The following ZNF665 variants were observed in gnomAD, a reference collection of about 807,000 sequenced individuals.
ZNF665 encodes zinc finger protein 665.
In ZNF665, 6 loss-of-function variants were observed where a neutral mutation model predicts 7.9. The ratio of observed to expected loss-of-function variants is 0.76; its 90% CI spans 0.42 to 1.50. The LOEUF is 1.50. Among genes scored for constraint, ZNF665 ranks in the 40% most tolerant of loss-of-function variants. The probability of loss-of-function intolerance (pLI) is 0.01; values close to 1 mark genes in which losing one functional copy is unlikely to be tolerated. For missense variants in ZNF665, 819 were observed against 806.7 expected (o/e 1.02, Z -0.18); for synonymous variants, 242 against 274.5 (o/e 0.88, Z 1.17).
intron 1 of ZNF665, among the ~76,000 whole-genome samples, chr19:53,192,394 C>A (rs1373370863): frequency 6.6e-6 from 1 of 152,090 alleles, no homozygotes; most frequent in Non-Finnish European, 1.5e-5. Flanking sequence ...TCCAAATACC[C>A]CCTCCTCTCC....
chr19:53,189,319 G>A (rs552208422), intron 1 of ZNF665, among the ~76,000 whole-genome samples: 5 of 151,760 alleles, frequency 3.3e-5, no homozygotes, highest in Admixed American at 2.6e-4. Context: ...AGCTGCGCCC[G>A]GGGGACCACT....
chr19:53,171,013 T>C (rs908642760), intron 3 of ZNF665, among the ~76,000 whole-genome samples: 1 of 152,108 alleles, frequency 6.6e-6, no homozygotes, highest in East Asian at 1.9e-4. Context: ...CGAGACGGAG[T>C]CTTGCTCTGT....
chr19:53,167,994 T>C (rs1359693378), intron 3 of ZNF665, among the ~76,000 whole-genome samples: 2 of 138,790 alleles, frequency 1.4e-5, no homozygotes, highest in African/African-American at 2.7e-5. Context: ...AGGTGGAGCT[T>C]GCAGTGAGCC....
At chr19:53,169,659 T>G (rs1010162686) in intron 3 of ZNF665, among the ~76,000 whole-genome samples, 5 of 152,222 alleles carry the variant, frequency 3.3e-5, no homozygotes, top group African/African-American at 1.2e-4. Context: ...ATTAGGTGTA[T>G]CTCCTAAAGC....
chr19:53,182,009 C>T (rs1026654506), intron 2 of ZNF665: 1 of 152,274 alleles, frequency 6.6e-6, no homozygotes, highest in African/African-American at 2.4e-5. Flanking sequence ...AGTATGAAAA[C>T]ATTCATCCAA....
Position 53,165,942 on chromosome 19 carries a change from C to T in ZNF665, c.548G>A (p.Cys183Tyr). The T allele has an allele frequency of 6.2e-7, 1 of 1,614,066 alleles. No homozygotes were observed. Among genetic ancestry groups the T allele is most frequent in the Non-Finnish European group, 8.5e-7 (1 of 1,179,990 alleles). ...TGAGTTTTGACTGAAGACCTTGCCA[C>T]ATTCATCACATTTATAATGTTTTCC... is the stretch of plus-strand genomic sequence containing the variant. ...NRGKHYKCDECGKVFSQNSRL... is the reference protein window; with the variant it reads ...NRGKHYKCDEYGKVFSQNSRL... Residue 183 changes from cysteine (C) to tyrosine (Y), a missense_variant, in exon 4 of 4, where the codon TGT (cysteine) becomes TAT (tyrosine). Physicochemically the swap from Cys to Tyr is radical, Grantham distance 194. Coordinates refer to ENST00000396424, the MANE Select transcript of ZNF665 (RefSeq NM_024733.5).
intron 3 of ZNF665, among the ~76,000 whole-genome samples, chr19:53,171,965 G>C (rs1262582591): frequency 1.3e-5 from 2 of 151,918 alleles, no homozygotes; most frequent in African/African-American, 4.8e-5. Flanking sequence ...ATGTTGGCCA[G>C]CTGGTCTCGA....
At chr19:53,171,524 A>ATATATATATATATT (rs372855271) in intron 3 of ZNF665, among the ~76,000 whole-genome samples, 156 of 69,278 alleles carry the variant, frequency 2.3e-3, no homozygotes, top group East Asian at 9.1e-3. Context: ...ATATATATAT[A>ATATATATATATATT]TTTTTTTTTT....
In ZNF665 at chr19:53,170,295, G is replaced by T. The variant is rs183881506; in HGVS notation, c.143-3948C>A. The stretch of plus-strand genomic sequence containing the variant: ...TTTATTGTATAATGGCAAACTACAG[G>T]TGTATATATTTATGGGGAAAAAATG... On this transcript the variant is annotated intron_variant, in intron 3 of 3. Coordinates refer to ENST00000396424, the MANE Select transcript of ZNF665 (RefSeq NM_024733.5). Among the ~76,000 whole-genome samples, 35 of 152,268 alleles carry T rather than the reference G, an allele frequency of 2.3e-4. 1 individual carries two copies. In the East Asian group the frequency reaches 5.0e-3, roughly 22 times the overall value.
chr19:53,190,686 C>T (rs2090810390), intron 1 of ZNF665, among the ~76,000 whole-genome samples: 1 of 152,216 alleles, frequency 6.6e-6, no homozygotes, highest in African/African-American at 2.4e-5. Context: ...GTAATCCCGG[C>T]ACTTTGGGAG....
chr19:53,169,053 A>G (rs1376586341), intron 3 of ZNF665, among the ~76,000 whole-genome samples: 1 of 152,162 alleles, frequency 6.6e-6, no homozygotes, highest in Non-Finnish European at 1.5e-5. Context: ...TTTCCTAGAT[A>G]TGATACCACA....
At chr19:53,175,401 T>C (rs1431026570) in intron 3 of ZNF665, 44 bp downstream of exon 3, 1 of 1,585,418 alleles carries the variant, frequency 6.3e-7, no homozygotes, top group South Asian at 1.1e-5. Flanking sequence ...AATGAAAACA[T>C]ACACGAGAAC....
intron 2 of ZNF665, among the ~76,000 whole-genome samples, chr19:53,177,155 G>A (rs573445330): frequency 6.8e-4 from 103 of 151,794 alleles, no homozygotes; most frequent in Non-Finnish European, 1.2e-3. Context: ...ACAAAAAACT[G>A]AACCAGTTTT....
chr19:53,175,385 A>G (rs1599877542), intron 3 of ZNF665, 60 bp downstream of exon 3: 1 of 1,575,066 alleles, frequency 6.3e-7, no homozygotes, highest in African/African-American at 1.4e-5. Context: ...GAGACTCACA[A>G]GGGAAAATGA....
rs147091005 is a variant in ZNF665, at chr19:53,183,062, T to C, written c.-45-119A>G. 8 of 1,099,716 alleles carry C rather than the reference T, an allele frequency of 7.3e-6. No individual in the cohort carries two copies. The East Asian group carries it at 1.7e-4, about 23-fold the overall frequency. 68.1% of individuals were successfully genotyped at this position (1,099,716 alleles called of 1,614,324 possible). The stretch of plus-strand genomic sequence containing the variant: ...ATAACCTTATACACAGGGAAGACCT[T>C]ATACACAGGGAAGATGGTCCTCTGC... On this transcript the variant is annotated intron_variant, in intron 1 of 3. Transcript: ENST00000396424.
intron 3 of ZNF665, among the ~76,000 whole-genome samples, chr19:53,167,726 G>T (rs1348978018): frequency 1.3e-5 from 2 of 149,874 alleles, no homozygotes; most frequent in Non-Finnish European, 3.0e-5. Flanking sequence ...GATTACAGGC[G>T]TAAGCCAGGG....
chr19:53,162,458 T>G lies in ZNF665; in HGVS notation c.*1995A>C, dbSNP rs1439721239. On this transcript the variant is annotated 3_prime_UTR_variant, in exon 4 of 4. Transcript: ENST00000396424. The stretch of plus-strand genomic sequence containing the variant: ...ACATCAAATTTTATTAGTTAAAACA[T>G]TAAATCTATGATGCATTCTTAAATA... 5.9e-5 allele frequency: 9 copies of G among 152,194 alleles called. No individual in the cohort carries two copies. The highest frequency in any genetic ancestry group is 5.9e-4 in the Admixed American group (9 of 15,280). The allele number at this position is 152,194 out of a possible 1,614,324, so 9.4% of individuals were successfully genotyped here. A position where few individuals can be genotyped will look rare whatever the true frequency, so the allele number is the denominator to read the frequency against.
intron 3 of ZNF665, among the ~76,000 whole-genome samples, chr19:53,168,707 G>C (rs2090636048): frequency 6.6e-6 from 1 of 152,146 alleles, no homozygotes; most frequent in Admixed American, 6.5e-5. Context: ...TAAAAGTGTA[G>C]TCATCAAGAC....
chr19:53,181,703 A>G (rs2090738870), intron 2 of ZNF665: 1 of 152,236 alleles, frequency 6.6e-6, no homozygotes, highest in African/African-American at 2.4e-5. Flanking sequence ...GCTACCTATT[A>G]AAATACGTTT....
Sources: allele counts gnomAD v4.1 joint callset (sites outside exome capture counted in the v4.1 genomes callset), GRCh38; gene constraint gnomAD v4.1.1; transcripts MANE v1.5; gene names NCBI Gene and HGNC (gene_info 2026-07-23, HGNC 2026-07-21).